COL4A2: variants seen among roughly 807,000 people sequenced by gnomAD.
The protein encoded by COL4A2 is collagen type IV alpha 2 chain.
In COL4A2, 99 loss-of-function variants were observed where a neutral mutation model predicts 200.2. That is an observed-to-expected ratio of 0.49 (90% CI 0.42 to 0.58). The LOEUF is 0.58. Among genes scored for constraint, COL4A2 ranks in the 20% least tolerant of loss-of-function variants. The pLI is 0.00. For synonymous variants in COL4A2, 897 were observed against 900.6 expected (o/e 1.00, Z 0.07); for missense variants, 1,950 against 2,314.1 (o/e 0.84, Z 3.23).
Position 110,491,755 on chromosome 13 carries a change from T to C in COL4A2, c.3455-315T>C, listed in dbSNP as rs452020. ...TCTGTGTTTACTCAGCACCGGGGAA[T>C]GCCAAGAGGCTCATCTCTCCAGGCA... On this transcript the variant is annotated intron_variant, in intron 37 of 47. Coordinates refer to ENST00000360467, the MANE Select transcript of COL4A2 (RefSeq NM_001846.4). 0.99 allele frequency among the ~76,000 whole-genome samples: 150,933 copies of C among 152,274 alleles called. 74,811 individuals carry two copies. Among genetic ancestry groups the C allele is most frequent in the East Asian group, 1 (5,176 of 5,176 alleles).
At chr13:110,436,445 A>T (rs1187532110) in intron 13 of COL4A2, 78 bp downstream of exon 13, 2 of 1,514,044 alleles carry the variant, frequency 1.3e-6, no homozygotes, top group East Asian at 4.8e-5. Context: ...ATTGTATTCA[A>T]CCACATTCCA....
intron 4 of COL4A2, among the ~76,000 whole-genome samples, chr13:110,397,076 C>T (rs547149578): frequency 2.0e-5 from 3 of 152,260 alleles, no homozygotes; most frequent in South Asian, 4.1e-4. Context: ...TGCTCAAGGC[C>T]CGAGCAGGCC....
intron 4 of COL4A2, among the ~76,000 whole-genome samples, chr13:110,415,524 A>G (rs1880006912): frequency 1.3e-5 from 2 of 152,102 alleles, no homozygotes; most frequent in Admixed American, 6.5e-5. Context: ...CCACTGCCCC[A>G]CTTTTGGCTC....
intron 14 of COL4A2, 74 bp from the exon 15 acceptor site, chr13:110,438,544 G>T (rs755709928): frequency 4.5e-6 from 7 of 1,568,242 alleles, no homozygotes; most frequent in Non-Finnish European, 6.1e-6. Flanking sequence ...TGGAGCAGAG[G>T]ATGACACGTG....
rs1034273901 is a variant in COL4A2 at position 110,478,442 on chromosome 13, A to G, written c.2587+278A>G. ...GAAATTCCCCCTACAAAAGTTCAGA[A>G]TCACTGCTCTGATGTGGAGAGGAGA... On this transcript the variant is annotated intron_variant, in intron 30 of 47. Coordinates refer to ENST00000360467, the MANE Select transcript of COL4A2 (RefSeq NM_001846.4). Among the ~76,000 whole-genome samples, 4 of 152,258 alleles carry G rather than the reference A, an allele frequency of 2.6e-5. No individual in the cohort carries two copies. In the East Asian group the frequency reaches 7.7e-4, roughly 29 times the overall value.
chr13:110,505,162 A>G (rs1023811246), intron 45 of COL4A2, among the ~76,000 whole-genome samples: 2 of 151,502 alleles, frequency 1.3e-5, no homozygotes, highest in South Asian at 2.1e-4. Context: ...CATCCTGGCT[A>G]ACACGGTGAA....
At chr13:110,506,720 A>T in intron 46 of COL4A2, 114 bp downstream of exon 46, 1 of 1,128,014 alleles carries the variant, frequency 8.9e-7, no homozygotes, top group South Asian at 1.8e-5. Context: ...AGTTCCCCTG[A>T]CGGAAGGGTC....
intron 21 of COL4A2, chr13:110,458,155 C>T (rs1055715506): frequency 2.1e-6 from 1 of 469,876 alleles, no homozygotes; most frequent in African/African-American, 2.0e-5. Context: ...TGTGGATGGG[C>T]ATGACCTGAG....
chr13:110,308,689 G>A (rs187913732), intron 3 of COL4A2, among the ~76,000 whole-genome samples: 1 of 152,308 alleles, frequency 6.6e-6, no homozygotes, highest in African/African-American at 2.4e-5. Context: ...GGCCCTGGAA[G>A]AGCTGCTCCG....
chr13:110,486,919 A>C (rs2139530813), intron 34 of COL4A2, among the ~76,000 whole-genome samples: 1 of 152,346 alleles, frequency 6.6e-6, no homozygotes, highest in African/African-American at 2.4e-5. Flanking sequence ...TCATCAGTTA[A>C]GGCAGAAACC....
At chr13:110,386,968 G>A (rs1031567890) in intron 4 of COL4A2, among the ~76,000 whole-genome samples, 2 of 152,152 alleles carry the variant, frequency 1.3e-5, no homozygotes, top group African/African-American at 2.4e-5. Context: ...GGCCGGGCAC[G>A]GTGGCTCATA....
At chr13:110,357,209 C>G (rs995275995) in intron 3 of COL4A2, among the ~76,000 whole-genome samples, 1 of 152,090 alleles carries the variant, frequency 6.6e-6, no homozygotes, top group Non-Finnish European at 1.5e-5. Context: ...ACCTGTACAT[C>G]CTGGTGCAGG....
At chr13:110,472,858 C>T (rs1051986047) in intron 28 of COL4A2, 71 bp from the exon 29 acceptor site, 1 of 1,467,440 alleles carries the variant, frequency 6.8e-7, no homozygotes, top group Non-Finnish European at 9.3e-7. Flanking sequence ...TTTCCAGCCT[C>T]TTTTTGACTC....
At position 110,344,680 on chromosome 13, in the gene COL4A2, C is replaced by T. The variant is rs940983173; in HGVS notation, c.100-12792C>T. 5.3e-5 allele frequency among the ~76,000 whole-genome samples: 8 copies of T among 152,154 alleles called. No homozygotes were observed. The East Asian group carries it at 1.5e-3, about 29-fold the overall frequency. On this transcript the variant is annotated intron_variant, in intron 3 of 47. Transcript: ENST00000360467. ...CCGCAGTATTCTCTCTCTTGCCTCG[C>T]TCAGGCCACATACTCTCCTTAGAAA...
intron 47 of COL4A2, among the ~76,000 whole-genome samples, chr13:110,509,270 T>TACACACACACACACACAC (rs60333796): frequency 1.2e-4 from 14 of 115,576 alleles, no homozygotes; most frequent in African/African-American, 4.9e-4. Flanking sequence ...TATATATATA[T>TACACACACACACACACAC]ACACACACAC....
intron 3 of COL4A2, among the ~76,000 whole-genome samples, chr13:110,313,602 C>T (rs4000249): frequency 0.21 from 45 of 214 alleles, 2 homozygotes; most frequent in South Asian, 0.5. Context: ...GGCTCCCACC[C>T]CAGTGCCCCG....
At chr13:110,408,841 GCA>G (rs1879693589) in intron 4 of COL4A2, among the ~76,000 whole-genome samples, 1 of 63,544 alleles carries the variant, frequency 1.6e-5, no homozygotes, top group South Asian at 6.4e-4. Flanking sequence ...ACACATACAC[GCA>G]CACATATACA....
chr13:110,433,247 G>A (rs9559798), intron 11 of COL4A2, among the ~76,000 whole-genome samples: 22,674 of 152,272 alleles, frequency 0.15, 2,079 homozygotes, highest in East Asian at 0.34. Flanking sequence ...CTGGCAGCCT[G>A]GAGCAGGATG....
intron 4 of COL4A2, among the ~76,000 whole-genome samples, chr13:110,420,707 A>G (rs547286311): frequency 2.6e-5 from 4 of 152,368 alleles, no homozygotes; most frequent in Admixed American, 2.6e-4. Context: ...GACGATGATT[A>G]GCACAGAGGA....
Sources: allele counts gnomAD v4.1 joint callset (sites outside exome capture counted in the v4.1 genomes callset), GRCh38; gene constraint gnomAD v4.1.1; transcripts MANE v1.5; gene names NCBI Gene and HGNC (gene_info 2026-07-23, HGNC 2026-07-21).